SORCS1: variants seen among roughly 807,000 people sequenced by gnomAD.
The protein encoded by SORCS1 is sortilin related VPS10 domain containing receptor 1, also known as VPS10 domain-containing receptor SorCS1.
Under a neutral mutation model 146.1 loss-of-function variants are expected in SORCS1, and 60 were observed. The observed-to-expected ratio is 0.41, with a 90% CI of 0.33 to 0.51. The LOEUF is 0.51. SORCS1 is among the 20% of genes least tolerant of loss of function. The pLI, the probability that SORCS1 is intolerant of heterozygous loss-of-function variation, is 0.21. For missense variants in SORCS1, 1,352 were observed against 1,487.6 expected, an observed-to-expected ratio of 0.91 and a Z score of 1.50; for synonymous variants, 637 against 584.0, an observed-to-expected ratio of 1.09 and a Z score of -1.31.
At chr10:106,958,064 G>T (rs896745914) in intron 1 of SORCS1, among the ~76,000 whole-genome samples, 6 of 152,176 alleles carry the variant, frequency 3.9e-5, no homozygotes, top group Non-Finnish European at 7.3e-5. Context: ...GCTTCTTTTG[G>T]TGTCTGCAGC....
chr10:106,759,165 G>A (rs1222835257), intron 5 of SORCS1, among the ~76,000 whole-genome samples: 2 of 152,182 alleles, frequency 1.3e-5, no homozygotes, highest in Non-Finnish European at 2.9e-5. Context: ...CGAAAGAATT[G>A]GAGTGGAGGT....
intron 1 of SORCS1, among the ~76,000 whole-genome samples, chr10:107,062,949 T>A (rs916733044): frequency 4.6e-5 from 7 of 152,150 alleles, no homozygotes; most frequent in Non-Finnish European, 1.0e-4. Flanking sequence ...TACCCAGGAA[T>A]AAATATGCTT....
At chr10:106,844,489 T>C (rs901088973) in intron 2 of SORCS1, among the ~76,000 whole-genome samples, 1 of 152,048 alleles carries the variant, frequency 6.6e-6, no homozygotes, top group African/African-American at 2.4e-5. Context: ...TTTTCATGTA[T>C]GATATAAAAT....
chr10:106,926,164 G>A (rs2138491689), intron 2 of SORCS1, among the ~76,000 whole-genome samples: 1 of 152,188 alleles, frequency 6.6e-6, no homozygotes, highest in Non-Finnish European at 1.5e-5. Flanking sequence ...TAAGAGTTAT[G>A]TTTATCACAG....
At chr10:106,879,019 G>A (rs1950713514) in intron 2 of SORCS1, among the ~76,000 whole-genome samples, 1 of 151,758 alleles carries the variant, frequency 6.6e-6, no homozygotes. Flanking sequence ...ACATGGTGGT[G>A]GGCGCCTGTA....
chr10:107,061,591 C>T (rs1254765629), intron 1 of SORCS1, among the ~76,000 whole-genome samples: 1 of 152,172 alleles, frequency 6.6e-6, no homozygotes, highest in Non-Finnish European at 1.5e-5. Flanking sequence ...AGCTCCATAA[C>T]TCGTTATGTT....
chr10:106,947,845 A>T (rs1203250920), intron 2 of SORCS1, among the ~76,000 whole-genome samples: 3 of 152,176 alleles, frequency 2.0e-5, no homozygotes, highest in Non-Finnish European at 2.9e-5. Flanking sequence ...TCTCAAAAAA[A>T]AAAAAGAGAA....
chr10:107,170,235 A>G, the SORCS1 span, among the ~76,000 whole-genome samples: 1 of 152,196 alleles, frequency 6.6e-6, no homozygotes, highest in Non-Finnish European at 1.5e-5. Context: ...GCTTTGATGT[A>G]CTAAATCACG....
intron 2 of SORCS1, among the ~76,000 whole-genome samples, chr10:106,912,417 T>G (rs184608809): frequency 2.6e-4 from 39 of 152,234 alleles, no homozygotes; most frequent in South Asian, 4.2e-4. Context: ...TGTTAAAGTG[T>G]GAATTTCTGA....
At chr10:106,990,630 T>C (rs528996606) in intron 1 of SORCS1, among the ~76,000 whole-genome samples, 1 of 152,240 alleles carries the variant, frequency 6.6e-6, no homozygotes, top group East Asian at 1.9e-4. Context: ...ATAGTACAAA[T>C]CACAAGGGCA....
At chr10:106,688,082 C>T in intron 10 of SORCS1, 110 bp downstream of exon 10, 1 of 1,467,808 alleles carries the variant, frequency 6.8e-7, no homozygotes, top group Non-Finnish European at 9.1e-7. Flanking sequence ...TCCCCACTCC[C>T]TTTTGTTCAT....
At chr10:106,687,271 T>C (rs1852922972) in intron 10 of SORCS1, among the ~76,000 whole-genome samples, 1 of 152,146 alleles carries the variant, frequency 6.6e-6, no homozygotes, top group African/African-American at 2.4e-5. Flanking sequence ...GCAAACTCCT[T>C]GAAAGCAAGA....
At chr10:106,849,750 A>G (rs1463295213) in intron 2 of SORCS1, among the ~76,000 whole-genome samples, 18 of 151,300 alleles carry the variant, frequency 1.2e-4, no homozygotes, top group Non-Finnish European at 2.5e-4. Context: ...ATGGTGATGT[A>G]CAGATGGGTT....
intron 17 of SORCS1, 44 bp from the exon 18 acceptor site, chr10:106,652,597 G>A (rs1159124822): frequency 6.3e-7 from 1 of 1,594,958 alleles, no homozygotes; most frequent in East Asian, 2.2e-5. Context: ...TCATTATAAT[G>A]TGAATCATTC....
chr10:106,601,410 C>G (rs1387240500), intron 23 of SORCS1, among the ~76,000 whole-genome samples: 1 of 152,204 alleles, frequency 6.6e-6, no homozygotes, highest in African/African-American at 2.4e-5. Context: ...TTCTTGGTAT[C>G]TGCCTATTTG....
chr10:106,781,739 A>G (rs1860909125), intron 3 of SORCS1, among the ~76,000 whole-genome samples: 1 of 152,222 alleles, frequency 6.6e-6, no homozygotes, highest in African/African-American at 2.4e-5. Flanking sequence ...CTGAGTACTT[A>G]TCCTTCCCAG....
chr10:107,158,391 T>C (rs749947872), intron 1 of SORCS1, among the ~76,000 whole-genome samples: 1 of 152,244 alleles, frequency 6.6e-6, no homozygotes, highest in Non-Finnish European at 1.5e-5. Context: ...TTTACATCTC[T>C]TCCCTTGACC....
chr10:107,155,472 T>C (rs778090436), intron 1 of SORCS1, among the ~76,000 whole-genome samples: 6 of 152,136 alleles, frequency 3.9e-5, no homozygotes, highest in African/African-American at 9.7e-5. Flanking sequence ...CAGGCACCTA[T>C]GAGTGAGCCC....
intron 2 of SORCS1, among the ~76,000 whole-genome samples, chr10:106,842,235 T>C (rs1949080812): frequency 6.6e-6 from 1 of 152,208 alleles, no homozygotes; most frequent in Non-Finnish European, 1.5e-5. Flanking sequence ...TTTATTATTT[T>C]ATTTATTTTT....
Sources: allele counts gnomAD v4.1 joint callset (sites outside exome capture counted in the v4.1 genomes callset), GRCh38; gene constraint gnomAD v4.1.1; transcripts MANE v1.5; gene names NCBI Gene and HGNC (gene_info 2026-07-23, HGNC 2026-07-21).